Variants in SPATA13 observed in about 807,000 individuals in gnomAD.
SPATA13 encodes spermatogenesis associated 13, also known as spermatogenesis-associated protein 13.
In SPATA13, 50 loss-of-function variants were observed where a neutral mutation model predicts 104.0. The observed-to-expected ratio is 0.48, with a 90% CI of 0.38 to 0.61. SPATA13 has a LOEUF of 0.61. SPATA13 is among the 20% of genes least tolerant of loss of function. The pLI is 0.00. For synonymous variants in SPATA13, 606 were observed against 667.5 expected (o/e 0.91, Z 1.42); for missense variants, 1,524 against 1,690.6 (o/e 0.90, Z 1.73).
intron 1 of SPATA13, among the ~76,000 whole-genome samples, chr13:23,981,815 C>T (rs896368550): frequency 5.9e-5 from 9 of 152,200 alleles, no homozygotes; most frequent in African/African-American, 1.9e-4. Context: ...ATCCTCACTA[C>T]CTGAATGACT....
intron 1 of SPATA13, among the ~76,000 whole-genome samples, chr13:24,182,943 G>A (rs1868906070): frequency 6.6e-6 from 1 of 152,116 alleles, no homozygotes; most frequent in Non-Finnish European, 1.5e-5. Context: ...GGGCCTTGGT[G>A]CCCAGGGTGG....
At chr13:24,290,535 G>T (rs911432454) in intron 8 of SPATA13, 117 bp from the exon 9 acceptor site, 10 of 772,010 alleles carry the variant, frequency 1.3e-5, no homozygotes, top group Non-Finnish European at 2.0e-5. Flanking sequence ...CCTTCTTGCA[G>T]TAGTCCATCT....
chr13:24,019,093 A>ATTTTT (rs71915188), intron 3 of SPATA13, among the ~76,000 whole-genome samples: 3 of 141,100 alleles, frequency 2.1e-5, no homozygotes, highest in Non-Finnish European at 3.0e-5. Context: ...TATTATTATT[A>ATTTTT]TTTTTTTTTT....
chr13:24,303,275 T>A lies in SPATA13; in HGVS notation c.*502T>A. The stretch of plus-strand genomic sequence containing the variant: ...GAAATTGAGCTCTTACTCTCTTCTG[T>A]AATACTGGGGGACCTACAGCTGCCG... On this transcript the variant is annotated 3_prime_UTR_variant, in exon 13 of 13. Transcript: ENST00000382108. The A allele has an allele frequency of 2.4e-6, 1 of 409,996 alleles. No homozygotes were observed. The highest frequency in any genetic ancestry group is 1.8e-5 in the South Asian group (1 of 56,280). The allele number at this position is 409,996 out of a possible 1,614,324, so 25.4% of individuals were successfully genotyped here.
chr13:24,174,620 A>G (rs1883141339), intron 1 of SPATA13, among the ~76,000 whole-genome samples: 2 of 152,242 alleles, frequency 1.3e-5, no homozygotes, highest in Middle Eastern at 3.4e-3. Flanking sequence ...TCTGTCACCC[A>G]GACTGGAGTA....
intron 2 of SPATA13, among the ~76,000 whole-genome samples, chr13:24,009,305 A>G (rs939868436): frequency 1.3e-5 from 2 of 152,184 alleles, no homozygotes; most frequent in Non-Finnish European, 2.9e-5. Flanking sequence ...TTAATTTAGA[A>G]AGTTTATTTT....
intron 2 of SPATA13, among the ~76,000 whole-genome samples, chr13:24,005,674 AG>A (rs1876188752): frequency 6.6e-6 from 1 of 152,182 alleles, no homozygotes; most frequent in Non-Finnish European, 1.5e-5. Flanking sequence ...TGTGAAGAAC[AG>A]CTGGTATGTG....
chr13:24,240,102 C>T (rs1452745213), intron 2 of SPATA13, among the ~76,000 whole-genome samples: 251 of 151,124 alleles, frequency 1.7e-3, no homozygotes, highest in African/African-American at 6.0e-3. Flanking sequence ...CTCAGGAGCT[C>T]AAGACCAGCC....
intron 3 of SPATA13, among the ~76,000 whole-genome samples, chr13:24,036,193 T>A (rs986933360): frequency 6.6e-6 from 1 of 152,210 alleles, no homozygotes; most frequent in Non-Finnish European, 1.5e-5. Flanking sequence ...TCCATATTGT[T>A]ATGAAAGTAT....
At chr13:24,153,488 A>G (rs1182862056) in intron 3 of SPATA13, among the ~76,000 whole-genome samples, 1 of 152,218 alleles carries the variant, frequency 6.6e-6, no homozygotes, top group Non-Finnish European at 1.5e-5. Flanking sequence ...AGACATTGAC[A>G]ATTTAGGACT....
intron 3 of SPATA13, among the ~76,000 whole-genome samples, chr13:24,132,751 A>T (rs1881426805): frequency 6.6e-6 from 1 of 152,134 alleles, no homozygotes; most frequent in South Asian, 2.1e-4. Context: ...AGGCAGGTGG[A>T]TCACCTGAGG....
intron 1 of SPATA13, among the ~76,000 whole-genome samples, chr13:24,169,691 G>C (rs1011657339): frequency 6.6e-6 from 1 of 152,154 alleles, no homozygotes; most frequent in African/African-American, 2.4e-5. Flanking sequence ...TCCTCTTCTA[G>C]TCTCTCTCCT....
chr13:24,170,324 G>A (rs1882917131), intron 1 of SPATA13, among the ~76,000 whole-genome samples: 1 of 152,222 alleles, frequency 6.6e-6, no homozygotes, highest in Admixed American at 6.5e-5. Context: ...TTCAGTTTCA[G>A]TGCATGCCCA....
rs766640323 is a variant in SPATA13, at chr13:24,249,748, A to G, written c.1925A>G (p.Lys642Arg). The change falls in exon 3 of 13, where the codon AAA becomes AGA. Residue 642 changes from lysine to arginine, a missense_variant. Lys to Arg is a conservative substitution (Grantham distance 26). Coordinates refer to ENST00000382108, the MANE Select transcript of SPATA13 (RefSeq NM_001166271.3). ...EDQNAPVGCP[K>R]GARRRRPISV... ...CAGAATGCTCCAGTGGGCTGCCCCA[A>G]AGGAGCCCGGAGAAGGCGCCCCATT... The G allele has an allele frequency of 2.8e-5, 45 of 1,614,066 alleles. No individual in the cohort carries two copies. Among genetic ancestry groups the G allele is most frequent in the Admixed American group, 2.0e-4 (12 of 60,012 alleles).
exon 1 of SPATA13, chr13:23,979,836 C>T (rs1874792159): frequency 6.6e-6 from 1 of 152,560 alleles, no homozygotes; most frequent in African/African-American, 2.4e-5. Context: ...GTCGGCTTCT[C>T]CGTGACCTTC....
intron 1 of SPATA13, among the ~76,000 whole-genome samples, chr13:24,177,505 G>T (rs925652139): frequency 6.6e-6 from 1 of 152,090 alleles, no homozygotes; most frequent in Admixed American, 6.5e-5. Flanking sequence ...TATTTTTTTA[G>T]ACACAGTCTT....
chr13:24,033,417 CT>C (rs2137718680), intron 3 of SPATA13: 1 of 152,296 alleles, frequency 6.6e-6, no homozygotes, highest in South Asian at 2.1e-4. Flanking sequence ...ATGAACTCTC[CT>C]TTTCTATTAA....
chr13:24,296,820 A>G (rs1876816308), intron 10 of SPATA13, among the ~76,000 whole-genome samples: 1 of 152,080 alleles, frequency 6.6e-6, no homozygotes, highest in Non-Finnish European at 1.5e-5. Context: ...AAAAAAAGAA[A>G]AGGAAGAAAT....
At chr13:23,985,250 C>T (rs1875095629) in intron 2 of SPATA13, among the ~76,000 whole-genome samples, 1 of 152,248 alleles carries the variant, frequency 6.6e-6, no homozygotes, top group Non-Finnish European at 1.5e-5. Flanking sequence ...CCTGTATACT[C>T]AGTGCTGACA....
Sources: allele counts gnomAD v4.1 joint callset (sites outside exome capture counted in the v4.1 genomes callset), GRCh38; gene constraint gnomAD v4.1.1; transcripts MANE v1.5; gene names NCBI Gene and HGNC (gene_info 2026-07-23, HGNC 2026-07-21).